The following SPOCK3 variants were observed in gnomAD, a reference collection of about 807,000 sequenced individuals.
SPOCK3 encodes SPARC (osteonectin), cwcv and kazal like domains proteoglycan 3.
A neutral mutation model predicts 56.6 loss-of-function variants in SPOCK3; 30 were observed. The observed-to-expected ratio is 0.53, with a 90% CI of 0.40 to 0.72. The LOEUF (loss-of-function observed/expected upper bound fraction) is 0.72. SPOCK3 is among the 30% of genes least tolerant of loss of function. The pLI is 0.00. For missense variants in SPOCK3, 527 were observed against 530.0 expected, an observed-to-expected ratio of 0.99 and a Z score of 0.06; for synonymous variants, 196 against 183.3, an observed-to-expected ratio of 1.07 and a Z score of -0.56.
intron 2 of SPOCK3, among the ~76,000 whole-genome samples, chr4:167,113,645 A>C (rs1761095012): frequency 6.6e-6 from 1 of 152,066 alleles, no homozygotes; most frequent in Non-Finnish European, 1.5e-5. Flanking sequence ...CAAAGGCAGG[A>C]TACATGCCAA....
At chr4:167,161,702 A>G (rs1410366697) in intron 2 of SPOCK3, among the ~76,000 whole-genome samples, 1 of 152,128 alleles carries the variant, frequency 6.6e-6, no homozygotes, top group Non-Finnish European at 1.5e-5. Flanking sequence ...ATGGAATACT[A>G]TGCAGCCACA....
chr4:167,051,688 G>A (rs1039502422), intron 3 of SPOCK3, among the ~76,000 whole-genome samples: 2 of 152,254 alleles, frequency 1.3e-5, no homozygotes, highest in South Asian at 2.1e-4. Flanking sequence ...TTCACAAGCC[G>A]ACCCTGACTT....
chr4:166,994,124 G>T (rs1748102853), intron 4 of SPOCK3, among the ~76,000 whole-genome samples: 1 of 152,028 alleles, frequency 6.6e-6, no homozygotes, highest in African/African-American at 2.4e-5. Flanking sequence ...GAACAAGTGG[G>T]CAGGACATCT....
chr4:167,194,659 C>G (rs1054234688), intron 2 of SPOCK3, among the ~76,000 whole-genome samples: 2 of 152,182 alleles, frequency 1.3e-5, no homozygotes, highest in African/African-American at 4.8e-5. Flanking sequence ...AGTATTGAAA[C>G]CAGGTCACAG....
At chr4:166,754,082 C>G in intron 8 of SPOCK3, 5 of 961,402 alleles carry the variant, frequency 5.2e-6, no homozygotes, top group Non-Finnish European at 6.2e-6. Context: ...GGTGAATGCT[C>G]TGGTTCATTC....
In SPOCK3 at chr4:167,224,535, C is replaced by T. The variant is rs148701364; in HGVS notation, c.189+9450G>A. Among the ~76,000 whole-genome samples the T allele has an allele frequency of 1.1e-4, 17 of 152,180 alleles. No homozygotes were observed. In the East Asian group the frequency reaches 2.3e-3, roughly 21 times the overall value. ...CTCGTTATTTGATTGTTTAAAATAG[C>T]CATGTATACCAAATGTAAGTTTTTT... On this transcript the variant is annotated intron_variant, in intron 2 of 10. Transcript: ENST00000357545.
At chr4:166,967,432 G>A (rs1396739044) in intron 4 of SPOCK3, among the ~76,000 whole-genome samples, 1 of 152,192 alleles carries the variant, frequency 6.6e-6, no homozygotes, top group Admixed American at 6.5e-5. Context: ...GGGACCTGGT[G>A]ATTGGATCAT....
intron 6 of SPOCK3, among the ~76,000 whole-genome samples, chr4:166,797,276 C>T (rs1390403061): frequency 7.5e-6 from 1 of 133,100 alleles, no homozygotes. Flanking sequence ...TCACTCTGTC[C>T]TCCAGGCTGG....
intron 3 of SPOCK3, among the ~76,000 whole-genome samples, chr4:167,011,692 T>C (rs1750082960): frequency 6.6e-6 from 1 of 152,206 alleles, no homozygotes; most frequent in African/African-American, 2.4e-5. Context: ...TAGTTGGCCA[T>C]ATAAACATCA....
At chr4:166,945,273 C>T (rs1741589021) in intron 4 of SPOCK3, among the ~76,000 whole-genome samples, 1 of 152,080 alleles carries the variant, frequency 6.6e-6, no homozygotes, top group African/African-American at 2.4e-5. Context: ...ATAGGAAATA[C>T]ATTCATTTAT....
chr4:166,836,691 C>T (rs1746657100), intron 6 of SPOCK3, among the ~76,000 whole-genome samples: 1 of 151,854 alleles, frequency 6.6e-6, no homozygotes, highest in Non-Finnish European at 1.5e-5. Context: ...GCACTCCATT[C>T]CTGAAAAGAC....
At chr4:166,951,728 TCCA>T (rs1248271607) in intron 4 of SPOCK3, among the ~76,000 whole-genome samples, 1 of 143,340 alleles carries the variant, frequency 7.0e-6, no homozygotes, top group Admixed American at 6.7e-5. Context: ...AAAAAGCTTA[TCCA>T]CCATGATCAA....
intron 9 of SPOCK3, among the ~76,000 whole-genome samples, chr4:166,739,506 G>T (rs1245014714): frequency 6.6e-6 from 1 of 152,078 alleles, no homozygotes; most frequent in Non-Finnish European, 1.5e-5. Flanking sequence ...CTCCCAGAAT[G>T]CTGGGATTAC....
intron 3 of SPOCK3, among the ~76,000 whole-genome samples, chr4:167,060,823 G>A (rs1449043327): frequency 6.6e-6 from 1 of 151,964 alleles, no homozygotes; most frequent in Non-Finnish European, 1.5e-5. Flanking sequence ...GCCACACTGT[G>A]GGAATATAAC....
At chr4:167,005,827 T>A (rs1297904705) in intron 3 of SPOCK3, among the ~76,000 whole-genome samples, 1 of 152,210 alleles carries the variant, frequency 6.6e-6, no homozygotes, top group Non-Finnish European at 1.5e-5. Flanking sequence ...AAGGATACTG[T>A]GAATTAATGT....
intron 2 of SPOCK3, among the ~76,000 whole-genome samples, chr4:167,105,479 A>AG: frequency 6.7e-6 from 1 of 150,238 alleles, no homozygotes. Context: ...AAAAAAAAAA[A>AG]ACGAATCATA....
At chr4:166,796,142 A>G (rs1411300054) in intron 6 of SPOCK3, among the ~76,000 whole-genome samples, 2 of 152,192 alleles carry the variant, frequency 1.3e-5, no homozygotes, top group Non-Finnish European at 2.9e-5. Flanking sequence ...TCCAGTCTCC[A>G]GAATTGTGAG....
intron 2 of SPOCK3, among the ~76,000 whole-genome samples, chr4:167,083,834 C>A (rs911592470): frequency 2.0e-5 from 3 of 152,096 alleles, no homozygotes; most frequent in African/African-American, 7.2e-5. Flanking sequence ...AAATTAGTTT[C>A]TTTAGCTTCA....
chr4:167,055,354 A>AG (rs1754680605), intron 3 of SPOCK3, among the ~76,000 whole-genome samples: 1 of 152,198 alleles, frequency 6.6e-6, no homozygotes, highest in Non-Finnish European at 1.5e-5. Context: ...GCTCCGGTCT[A>AG]CAGCTCCCAG....
Sources: gnomAD v4.1 joint callset for allele counts (sites outside exome capture counted in the v4.1 genomes callset) on GRCh38, gnomAD v4.1.1 for gene constraint, MANE v1.5 for transcripts, NCBI Gene and HGNC (gene_info 2026-07-23, HGNC 2026-07-21) for gene names.